The following ANO7 variants were observed in gnomAD, a reference collection of about 807,000 sequenced individuals.
The protein encoded by ANO7 is anoctamin 7, also known as anoctamin-7.
ANO7 carries 114 observed loss-of-function variants against 115.8 expected under a neutral mutation model. That is an observed-to-expected ratio of 0.98 (90% CI 0.85 to 1.15). ANO7 has a LOEUF of 1.15. Among genes scored for constraint, ANO7 ranks in the 50% most tolerant of loss-of-function variants. The probability of loss-of-function intolerance (pLI) is 0.00; values close to 1 mark genes in which losing one functional copy is unlikely to be tolerated. For synonymous variants in ANO7, 550 were observed against 498.2 expected (o/e 1.10, Z -1.38); for missense variants, 1,302 against 1,201.2 (o/e 1.08, Z -1.24).
At position 241,188,785 on chromosome 2, in the gene ANO7, C is replaced by A. The variant is rs750956471; in HGVS notation, c.-8+19C>A. 14 of 1,607,312 alleles carry A rather than the reference C, an allele frequency of 8.7e-6. 1 individual carries two copies. The highest frequency in any genetic ancestry group is 6.8e-5 in the Admixed American group (4 of 59,150). On this transcript the variant is annotated intron_variant, in intron 1 of 24. Coordinates refer to ENST00000674324, the MANE Select transcript of ANO7 (RefSeq NM_001370694.2). The surrounding 1 kb of genome is among the most constrained non-coding windows in gnomAD (Gnocchi z 4.3). ...GTGCCAGGTGGGGACCCAGCCTAGA[C>A]GTGTGGGCCACAGGGAGAAGGTGGA...
chr2:241,200,782 C>G (rs1317970178), intron 6 of ANO7, among the ~76,000 whole-genome samples: 1 of 152,250 alleles, frequency 6.6e-6, no homozygotes, highest in African/African-American at 2.4e-5. Context: ...CGGGATGCCT[C>G]CTTTTGGGGC....
chr2:241,232,528 G>A, the ANO7 span, among the ~76,000 whole-genome samples: 2 of 152,126 alleles, frequency 1.3e-5, no homozygotes, highest in East Asian at 3.8e-4. Context: ...CACCCGCCTC[G>A]GCCTCCAAAA....
intron 9 of ANO7, among the ~76,000 whole-genome samples, chr2:241,204,460 A>G (rs1345526326): frequency 6.6e-6 from 1 of 151,996 alleles, no homozygotes; most frequent in Non-Finnish European, 1.5e-5. Flanking sequence ...GGTACCCGGA[A>G]TGACTCGTGG....
In ANO7 at chr2:241,202,148, C is replaced by T; in HGVS notation, c.613-46C>T. 2.6e-6 allele frequency: 4 copies of T among 1,538,346 alleles called. No homozygotes were observed. The Admixed American group carries it at 5.1e-5, about 20-fold the overall frequency. The stretch of plus-strand genomic sequence containing the variant: ...GGCTAGCTAGGACTTCCCTGTTCTG[C>T]TATCACGTGACAAGTGACCTGCGCC... On this transcript the variant is annotated intron_variant, in intron 7 of 24. Transcript: ENST00000674324.
At chr2:241,205,550 G>A (rs1279496912) in intron 10 of ANO7, among the ~76,000 whole-genome samples, 1 of 132,292 alleles carries the variant, frequency 7.6e-6, no homozygotes, top group Non-Finnish European at 1.6e-5. Context: ...TGACACAGGT[G>A]GACAGGAGTG....
Position 241,196,963 on chromosome 2 carries a change from G to A in ANO7, c.309+1118G>A, listed in dbSNP as rs57355894. Reference sequence around the variant, plus strand: ...GTGCATATGGCCAACCACTCCCCACGTGGTGGCCCCATTTCCACCATCGGC... The same window carrying A: ...GTGCATATGGCCAACCACTCCCCACATGGTGGCCCCATTTCCACCATCGGC... On this transcript the variant is annotated intron_variant, in intron 4 of 24. Transcript: ENST00000674324. 6.2e-3 allele frequency among the ~76,000 whole-genome samples: 950 copies of A among 152,206 alleles called. 10 individuals are homozygous for A. The highest frequency in any genetic ancestry group is 0.022 in the African/African-American group (894 of 41,556).
chr2:241,218,996 A>G (rs1253420208), intron 21 of ANO7, among the ~76,000 whole-genome samples: 3 of 151,986 alleles, frequency 2.0e-5, no homozygotes, highest in East Asian at 1.9e-4. Context: ...TCATCTAGCT[A>G]TTTATCTTCT....
Position 241,203,488 on chromosome 2 carries a change from C to G in ANO7, c.879C>G (p.Phe293Leu). 1.3e-6 allele frequency: 2 copies of G among 1,520,654 alleles called. No individual in the cohort carries two copies. The highest frequency in any genetic ancestry group is 2.8e-5 in the African/African-American group (2 of 71,046). The allele number at this position is 1,520,654 out of a possible 1,614,324, so 94.2% of individuals were successfully genotyped here. ...RYFGEKVALYFAWLGFYTGWL... is the reference protein window; with the variant it reads ...RYFGEKVALYLAWLGFYTGWL... ...TCGGGGAGAAGGTGGCCCTCTACTT[C>G]GCCTGGCTCGGTGAGTCCCCCCCGC... The change falls in exon 9 of 25, where the codon TTC becomes TTG. Residue 293 changes from phenylalanine (F) to leucine (L), a missense_variant. Transcript: ENST00000674324. This position sits in a 1 kb window ranked among gnomAD's most constrained non-coding sequence, Gnocchi z 4.8.
At chr2:241,236,535 C>T in the ANO7 span, 2 of 1,457,836 alleles carry the variant, frequency 1.4e-6, no homozygotes, top group Admixed American at 1.8e-5. Flanking sequence ...AACCGTCCAT[C>T]CCATCCAGGC....
chr2:241,217,491 C>A, intron 19 of ANO7, 195 bp from the exon 20 acceptor site: 1 of 623,614 alleles, frequency 1.6e-6, no homozygotes, highest in Non-Finnish European at 2.7e-6. Context: ...GGCAGGACAG[C>A]CGGCCTGAGG....
In ANO7 at chr2:241,190,177, A is replaced by G; in HGVS notation, c.108+6A>G. On this transcript the variant is annotated splice_donor_region_variant and intron_variant, in intron 2 of 24. Transcript: ENST00000674324. ...GCACAGCCCACGCCTCGGAGGTAAC[A>G]GCACCCAGGAGACTGTGGTGCGACT... 6.4e-7 allele frequency: 1 copy of G among 1,553,656 alleles called. No homozygotes were observed. The highest frequency in any genetic ancestry group is 1.2e-5 in the South Asian group (1 of 84,140).
intron 21 of ANO7, among the ~76,000 whole-genome samples, chr2:241,222,825 A>T (rs1406973119): frequency 6.6e-6 from 1 of 152,152 alleles, no homozygotes; most frequent in Admixed American, 6.6e-5. Flanking sequence ...AGAGGTCAGC[A>T]ATCGGCGGAT....
intron 22 of ANO7, 69 bp from the exon 23 acceptor site, chr2:241,223,581 TGCCGGAGCCCCG>T: frequency 6.4e-7 from 1 of 1,560,228 alleles, no homozygotes; most frequent in South Asian, 1.2e-5. Context: ...TGGGAGCAGG[TGCCGGAGCCCCG>T]GCCTGCCTGG....
chr2:241,212,049 C>T, intron 15 of ANO7, 45 bp from the exon 16 acceptor site: 2 of 1,552,144 alleles, frequency 1.3e-6, no homozygotes. Context: ...TAGTTGGATG[C>T]TGGTGACTCC....
At position 241,204,943 on chromosome 2, in the gene ANO7, C is replaced by A. The variant is rs200591198; in HGVS notation, c.968C>A (p.Ser323Ter). The A allele has an allele frequency of 6.2e-6, 10 of 1,613,888 alleles. No homozygotes were observed. In the Admixed American group the frequency reaches 8.3e-5, roughly 13 times the overall value. ...VFLVGCFLVFSDIPTQELCGS... is the reference protein window; with the variant it reads ...VFLVGCFLVF Reference sequence around the variant, plus strand: ...CTGGTGGGCTGCTTCCTGGTGTTCTCAGACATACCCACGTGAGTGTTCCCT... The same window carrying A: ...CTGGTGGGCTGCTTCCTGGTGTTCTAAGACATACCCACGTGAGTGTTCCCT... Residue 323 changes from serine to a stop codon, truncating the protein, a stop_gained, in exon 10 of 25, where the codon TCA becomes TAA. Coordinates refer to ENST00000674324, the MANE Select transcript of ANO7 (RefSeq NM_001370694.2). LOFTEE classifies it high-confidence loss of function.
chr2:241,216,178 T>C lies in ANO7; in HGVS notation c.1912T>C (p.Trp638Arg). 2 of 1,613,070 alleles carry C rather than the reference T, an allele frequency of 1.2e-6. No homozygotes were observed. The highest frequency in any genetic ancestry group is 1.7e-6 in the Non-Finnish European group (2 of 1,179,836). The stretch of plus-strand genomic sequence containing the variant: ...TTCTGCAGGGGCTAGCCAGGGGCCC[T>C]GGGAGGACGACTATGAGCTTGTGCC... ...GASAGASQGP[W>R]EDDYELVPCE... Residue 638 changes from tryptophan (W) to arginine (R), a missense_variant, in exon 19 of 25, where the codon TGG (tryptophan) becomes CGG (arginine). Coordinates refer to ENST00000674324, the MANE Select transcript of ANO7 (RefSeq NM_001370694.2).
chr2:241,207,744 C>T, intron 11 of ANO7, 74 bp downstream of exon 11: 5 of 1,348,692 alleles, frequency 3.7e-6, no homozygotes, highest in Non-Finnish European at 5.3e-6. Context: ...TGTCCTGGTC[C>T]TGACTCTGCC....
chr2:241,236,908 G>C, the ANO7 span: 40 of 800,316 alleles, frequency 5.0e-5, 1 homozygote, highest in East Asian at 1.0e-3. Context: ...TCCTTCAGGA[G>C]GTCTTGGTCT....
At chr2:241,233,976 G>A in the ANO7 span, 1 of 1,613,954 alleles carries the variant, frequency 6.2e-7, no homozygotes, top group Non-Finnish European at 8.5e-7. The surrounding 1 kb of genome is among the most constrained non-coding windows in gnomAD (Gnocchi z 4.3). Flanking sequence ...ACAAATGAAA[G>A]GAGCAAGAAT....
Sources: gnomAD v4.1 joint callset for allele counts (sites outside exome capture counted in the v4.1 genomes callset) on GRCh38, gnomAD v4.1.1 for gene constraint, Gnocchi (gnomAD v3.1) non-coding constraint, MANE v1.5 for transcripts, NCBI Gene and HGNC (gene_info 2026-07-23, HGNC 2026-07-21) for gene names.